The following XKR8 variants were observed in gnomAD, a reference collection of about 807,000 sequenced individuals.
The protein encoded by XKR8 is XK related 8.
In XKR8, 10 loss-of-function variants were observed where a neutral mutation model predicts 17.1. That is an observed-to-expected ratio of 0.59 (90% CI 0.36 to 0.99). The LOEUF (loss-of-function observed/expected upper bound fraction) is 0.99. XKR8 is among the 50% of genes least tolerant of loss of function. The pLI, the probability that XKR8 is intolerant of heterozygous loss-of-function variation, is 0.01. For missense variants in XKR8, 411 were observed against 515.6 expected (o/e 0.80, Z 1.96); for synonymous variants, 213 against 251.9 (o/e 0.85, Z 1.46).
chr1:27,963,133 C>T (rs1476699661), intron 1 of XKR8, among the ~76,000 whole-genome samples: 1 of 152,208 alleles, frequency 6.6e-6, no homozygotes, highest in Non-Finnish European at 1.5e-5. Context: ...AAGAGATTCT[C>T]CTGCCTCAGC....
At position 27,966,834 on chromosome 1, in the gene XKR8, C is replaced by T; in HGVS notation, c.822C>T (p.Phe274=). The change falls in exon 3 of 3, where the codon TTC becomes TTT. Residue 274 remains phenylalanine, a synonymous_variant. Coordinates refer to ENST00000373884, the MANE Select transcript of XKR8 (RefSeq NM_018053.4). This position sits in a 1 kb window ranked among gnomAD's most constrained non-coding sequence, Gnocchi z 4.3. ...TVATILYFSW[F]NVAEGRTRGR... ...CCACCATCCTCTATTTCTCCTGGTT[C>T]AACGTGGCTGAGGGCCGCACCCGAG... The T allele has an allele frequency of 6.2e-7, 1 of 1,614,002 alleles. No homozygotes were observed. Among genetic ancestry groups the T allele is most frequent in the Non-Finnish European group, 8.5e-7 (1 of 1,179,958 alleles).
chr1:27,963,576 T>A lies in XKR8; in HGVS notation c.373T>A (p.Phe125Ile), dbSNP rs1169643231. Residue 125 changes from phenylalanine to isoleucine, a missense_variant, in exon 2 of 3, where the codon TTC (phenylalanine) becomes ATC (isoleucine). Transcript: ENST00000373884. The stretch of plus-strand genomic sequence containing the variant: ...TGAGTTTGACTTGGCCTACGCCGAC[T>A]TCCTCGCCCTGGACATCAGCATGCT... Reference protein sequence around the residue: ...PSEFDLAYADFLALDISMLRL... With the variant: ...PSEFDLAYADILALDISMLRL... 1 of 1,614,214 alleles carries A rather than the reference T, an allele frequency of 6.2e-7. No homozygotes were observed. The highest frequency in any genetic ancestry group is 8.5e-7 in the Non-Finnish European group (1 of 1,180,040).
intron 1 of XKR8, among the ~76,000 whole-genome samples, chr1:27,963,149 G>A (rs1638501734): frequency 6.6e-6 from 1 of 152,042 alleles, no homozygotes; most frequent in South Asian, 2.1e-4. Flanking sequence ...TCAGCCTCCT[G>A]AGTAGCTGGG....
chr1:27,962,899 A>G (rs576929394), intron 1 of XKR8, among the ~76,000 whole-genome samples: 1 of 152,230 alleles, frequency 6.6e-6, no homozygotes, highest in Non-Finnish European at 1.5e-5. Context: ...AGACCTTATT[A>G]GCTTCTTGAT....
Position 27,966,608 on chromosome 1 carries a change from C to T in XKR8, c.596C>T (p.Ser199Phe). 1 of 1,614,124 alleles carries T rather than the reference C, an allele frequency of 6.2e-7. No homozygotes were observed. Among genetic ancestry groups the T allele is most frequent in the South Asian group, 1.1e-5 (1 of 91,080 alleles). ...LPSKPLLGLG[S>F]SVIYFLWNLL... The stretch of plus-strand genomic sequence containing the variant: ...TCCAAGCCGCTCCTGGGCCTGGGCT[C>T]CTCCGTGATCTACTTCCTGTGGAAC... Residue 199 changes from serine (S) to phenylalanine (F), a missense_variant, in exon 3 of 3, where the codon TCC (serine) becomes TTC (phenylalanine). Ser to Phe is a radical substitution (Grantham distance 155). Transcript: ENST00000373884. This position sits in a 1 kb window ranked among gnomAD's most constrained non-coding sequence, Gnocchi z 4.3.
rs3210303 is a variant in XKR8 at position 27,967,330 on chromosome 1, C to T, written c.*130C>T. 65 of 1,100,930 alleles carry T rather than the reference C, an allele frequency of 5.9e-5. No homozygotes were observed. Among genetic ancestry groups the T allele is most frequent in the Non-Finnish European group, 7.0e-5 (56 of 795,248 alleles). 68.2% of individuals were successfully genotyped at this position (1,100,930 alleles called of 1,614,324 possible). ...CTCTATGCACTCAGCAAGAGCGGGA[C>T]GCCTGTGCTGGGCCGGGCACCAGGG... On this transcript the variant is annotated 3_prime_UTR_variant, in exon 3 of 3. Coordinates refer to ENST00000373884, the MANE Select transcript of XKR8 (RefSeq NM_018053.4). The surrounding 1 kb of genome is among the most constrained non-coding windows in gnomAD (Gnocchi z 4.3).
At chr1:27,964,612 C>G (rs914633895) in intron 2 of XKR8, among the ~76,000 whole-genome samples, 1 of 152,108 alleles carries the variant, frequency 6.6e-6, no homozygotes, top group Non-Finnish European at 1.5e-5. Context: ...CAGCCCCTGC[C>G]CTGCCAGGAT....
Position 27,966,425 on chromosome 1 carries a change from C to T in XKR8, c.491-78C>T, listed in dbSNP as rs1638568556. 2 of 1,432,738 alleles carry T rather than the reference C, an allele frequency of 1.4e-6. No individual in the cohort carries two copies. Among genetic ancestry groups the T allele is most frequent in the African/African-American group, 1.4e-5 (1 of 70,596 alleles). The allele number at this position is 1,432,738 out of a possible 1,614,324, so 88.8% of individuals were successfully genotyped here. ...CCTACCCCAGGGTTGCTGGGAGGGC[C>T]CCCACGGTACCTGTGACCGCTGGGG... On this transcript the variant is annotated intron_variant, in intron 2 of 2. Transcript: ENST00000373884. This position sits in a 1 kb window ranked among gnomAD's most constrained non-coding sequence, Gnocchi z 4.3.
At position 27,966,594 on chromosome 1, in the gene XKR8, C is replaced by G. The variant is rs778081258; in HGVS notation, c.582C>G (p.Leu194=). ...GCACCTGCCTCCCCTCCAAGCCGCT[C>G]CTGGGCCTGGGCTCCTCCGTGATCT... ...ALRTCLPSKP[L]LGLGSSVIYF... Residue 194 remains leucine (L), a synonymous_variant, in exon 3 of 3, where the codon CTC becomes CTG. Transcript: ENST00000373884. The surrounding 1 kb of genome is among the most constrained non-coding windows in gnomAD (Gnocchi z 4.3). 11 of 1,614,038 alleles carry G rather than the reference C, an allele frequency of 6.8e-6. No homozygotes were observed. Among genetic ancestry groups the G allele is most frequent in the Non-Finnish European group, 9.3e-6 (11 of 1,180,024 alleles).
Position 27,966,831 on chromosome 1 carries a change from G to C in XKR8, c.819G>C (p.Trp273Cys). The change falls in exon 3 of 3, where the codon TGG becomes TGC. Residue 273 changes from tryptophan to cysteine, a missense_variant. By Grantham distance (215) the Trp-to-Cys change is radical (BLOSUM62 -2). Coordinates refer to ENST00000373884, the MANE Select transcript of XKR8 (RefSeq NM_018053.4). This position sits in a 1 kb window ranked among gnomAD's most constrained non-coding sequence, Gnocchi z 4.3. ...TGGCCACCATCCTCTATTTCTCCTG[G>C]TTCAACGTGGCTGAGGGCCGCACCC... Reference protein sequence around the residue: ...VTVATILYFSWFNVAEGRTRG... With the variant: ...VTVATILYFSCFNVAEGRTRG... The C allele has an allele frequency of 6.2e-7, 1 of 1,613,932 alleles. No homozygotes were observed. The highest frequency in any genetic ancestry group is 8.5e-7 in the Non-Finnish European group (1 of 1,179,950).
At position 27,960,212 on chromosome 1, in the gene XKR8, T is replaced by G; in HGVS notation, c.143T>G (p.Leu48Arg). 1 of 1,526,712 alleles carries G rather than the reference T, an allele frequency of 6.6e-7. No individual in the cohort carries two copies. The highest frequency in any genetic ancestry group is 8.7e-7 in the Non-Finnish European group (1 of 1,143,830). 94.6% of individuals were successfully genotyped at this position (1,526,712 alleles called of 1,614,324 possible). A position where few individuals can be genotyped will look rare whatever the true frequency, so the allele number is the denominator to read the frequency against. ...GGCGGCCGCTACCTGTGGGCGGCGC[T>G]GGTGCTGGCGCTGCTGGGCCTGGCC... ...ALGGRYLWAA[L>R]VLALLGLASV... Residue 48 changes from leucine to arginine, a missense_variant, in exon 1 of 3, where the codon CTG becomes CGG. Physicochemically the swap from Leu to Arg is moderately radical, Grantham distance 102. Transcript: ENST00000373884. The surrounding 1 kb of genome is among the most constrained non-coding windows in gnomAD (Gnocchi z 5.9).
Position 27,966,897 on chromosome 1 carries a change from C to T in XKR8, c.885C>T (p.Asp295=), listed in dbSNP as rs1443374394. 2 of 1,614,230 alleles carry T rather than the reference C, an allele frequency of 1.2e-6. No homozygotes were observed. The highest frequency in any genetic ancestry group is 1.7e-5 in the Admixed American group (1 of 60,024). ...AIIHFAFLLS[D]SILLVATWVT... ...TCCACTTCGCCTTCCTCCTGAGTGACAGCATTCTCCTGGTGGCCACCTGGG... is the reference window on the plus strand; with the variant it reads ...TCCACTTCGCCTTCCTCCTGAGTGATAGCATTCTCCTGGTGGCCACCTGGG... The change falls in exon 3 of 3, where the codon GAC becomes GAT. Residue 295 remains aspartate (D), a synonymous_variant. Transcript: ENST00000373884. This position sits in a 1 kb window ranked among gnomAD's most constrained non-coding sequence, Gnocchi z 4.3.
At chr1:27,962,600 A>AT (rs961652439) in intron 1 of XKR8, among the ~76,000 whole-genome samples, 2 of 151,684 alleles carry the variant, frequency 1.3e-5, no homozygotes, top group African/African-American at 4.8e-5. Context: ...GAAAAAAAAA[A>AT]AGAGAGAGAG....
chr1:27,962,934 G>A (rs545685995), intron 1 of XKR8, among the ~76,000 whole-genome samples: 40 of 152,318 alleles, frequency 2.6e-4, no homozygotes, highest in African/African-American at 9.4e-4. Flanking sequence ...TGTAAAATGG[G>A]CTTTTGTGAG....
In XKR8 at chr1:27,960,183, G is replaced by C. The variant is rs974174212; in HGVS notation, c.114G>C (p.Ala38=). Reference sequence around the variant, plus strand: ...ACCTGTGGGCCGCCGTCCAGTATGCGCTCGGCGGCCGCTACCTGTGGGCGG... The same window carrying C: ...ACCTGTGGGCCGCCGTCCAGTATGCCCTCGGCGGCCGCTACCTGTGGGCGG... ...GTDLWAAVQY[A]LGGRYLWAAL... The change falls in exon 1 of 3, where the codon GCG becomes GCC. Residue 38 remains alanine, a synonymous_variant. Coordinates refer to ENST00000373884, the MANE Select transcript of XKR8 (RefSeq NM_018053.4). The surrounding 1 kb of genome is among the most constrained non-coding windows in gnomAD (Gnocchi z 5.9). 5.9e-6 allele frequency: 9 copies of C among 1,527,210 alleles called. No individual in the cohort carries two copies. In the East Asian group the frequency reaches 7.5e-5, roughly 13 times the overall value. The allele number at this position is 1,527,210 out of a possible 1,614,324, so 94.6% of individuals were successfully genotyped here. A position where few individuals can be genotyped will look rare whatever the true frequency, so the allele number is the denominator to read the frequency against.
chr1:27,964,376 TTTAG>T (rs1638529853), intron 2 of XKR8: 1 of 152,110 alleles, frequency 6.6e-6, no homozygotes, highest in Non-Finnish European at 1.5e-5. Context: ...TAGGTAACTT[TTTAG>T]TTAAGAAACA....
chr1:27,961,221 T>C (rs1023594715), intron 1 of XKR8, among the ~76,000 whole-genome samples: 5 of 152,110 alleles, frequency 3.3e-5, no homozygotes, highest in Admixed American at 6.5e-5. Flanking sequence ...ATAGGCTGGG[T>C]CCTGGAAAAT....
Position 27,967,163 on chromosome 1 carries a change from A to G in XKR8, c.1151A>G (p.Lys384Arg). The G allele has an allele frequency of 6.3e-7, 1 of 1,579,048 alleles. No homozygotes were observed. Among genetic ancestry groups the G allele is most frequent in the Non-Finnish European group, 8.6e-7 (1 of 1,160,004 alleles). Residue 384 changes from lysine to arginine, a missense_variant, in exon 3 of 3, where the codon AAG becomes AGG. By Grantham distance (26) the Lys-to-Arg change is conservative. Coordinates refer to ENST00000373884, the MANE Select transcript of XKR8 (RefSeq NM_018053.4). The surrounding 1 kb of genome is among the most constrained non-coding windows in gnomAD (Gnocchi z 4.3). ...MTHLAQKFFP[K>R]AKDEAASPVK... ...CATTTAGCACAGAAGTTTTTCCCCA[A>G]GGCTAAGGATGAGGCTGCTTCGCCA...
At position 27,966,452 on chromosome 1, in the gene XKR8, G is replaced by A. The variant is rs753608443; in HGVS notation, c.491-51G>A. The A allele has an allele frequency of 3.4e-5, 52 of 1,550,714 alleles. No individual in the cohort carries two copies. Among genetic ancestry groups the A allele is most frequent in the Admixed American group, 1.4e-4 (8 of 56,136 alleles). ...CCACGGTACCTGTGACCGCTGGGGA[G>A]TGCCAAGCAGGCTGGCCCCAGGACT... On this transcript the variant is annotated intron_variant, in intron 2 of 2. Transcript: ENST00000373884. This position sits in a 1 kb window ranked among gnomAD's most constrained non-coding sequence, Gnocchi z 4.3.
Sources: gnomAD v4.1 joint callset for allele counts (sites outside exome capture counted in the v4.1 genomes callset) on GRCh38, gnomAD v4.1.1 for gene constraint, Gnocchi (gnomAD v3.1) non-coding constraint, MANE v1.5 for transcripts, NCBI Gene and HGNC (gene_info 2026-07-23, HGNC 2026-07-21) for gene names.